The following SCHIP1 variants were observed in gnomAD, a reference collection of about 807,000 sequenced individuals.
SCHIP1 encodes the protein schwannomin-interacting protein 1.
SCHIP1 carries 8 observed loss-of-function variants against 29.7 expected under a neutral mutation model. The ratio of observed to expected loss-of-function variants is 0.27; its 90% CI spans 0.16 to 0.49. SCHIP1 has a LOEUF of 0.49. SCHIP1 is among the 20% of genes least tolerant of loss of function. The probability of loss-of-function intolerance (pLI) is 0.99; values close to 1 mark genes in which losing one functional copy is unlikely to be tolerated. For synonymous variants in SCHIP1, 76 were observed against 94.9 expected (o/e 0.80, Z 1.16); for missense variants, 193 against 294.6 (o/e 0.66, Z 2.52).
chr3:159,522,807 T>C, the SCHIP1 span, among the ~76,000 whole-genome samples: 1 of 152,210 alleles, frequency 6.6e-6, no homozygotes, highest in Admixed American at 6.5e-5. Flanking sequence ...AGGCGGAGCT[T>C]GCAGTGAGCC....
intron 1 of SCHIP1, chr3:159,853,114 C>T (rs1370886317): frequency 8.8e-6 from 3 of 341,440 alleles, no homozygotes; most frequent in South Asian, 1.0e-4. Context: ...GTGGGAAGGC[C>T]GGAGTCAGCA....
chr3:159,602,544 A>G, the SCHIP1 span, among the ~76,000 whole-genome samples: 1 of 152,072 alleles, frequency 6.6e-6, no homozygotes, highest in African/African-American at 2.4e-5. Flanking sequence ...CCCCGTCTCT[A>G]CTAAAAATAC....
At chr3:159,427,499 G>A in the SCHIP1 span, among the ~76,000 whole-genome samples, 1 of 151,972 alleles carries the variant, frequency 6.6e-6, no homozygotes, top group Non-Finnish European at 1.5e-5. Flanking sequence ...GGGATGTGAA[G>A]GACCTCTTCA....
At chr3:159,663,901 G>T in the SCHIP1 span, among the ~76,000 whole-genome samples, 3 of 152,096 alleles carry the variant, frequency 2.0e-5, no homozygotes, top group African/African-American at 7.2e-5. Flanking sequence ...AATATAGTAG[G>T]ATATAAGGTA....
At chr3:159,360,874 T>C in the SCHIP1 span, among the ~76,000 whole-genome samples, 1 of 152,346 alleles carries the variant, frequency 6.6e-6, no homozygotes, top group East Asian at 1.9e-4. Context: ...TAAGAGGCCC[T>C]TGTCTCTACT....
the SCHIP1 span, among the ~76,000 whole-genome samples, chr3:159,295,271 AAAAAAC>A: frequency 2.8e-5 from 4 of 140,872 alleles, no homozygotes; most frequent in Non-Finnish European, 4.7e-5. Flanking sequence ...AAAAAAAAAA[AAAAAAC>A]AACTAGCCAG....
chr3:159,649,869 A>T, the SCHIP1 span, among the ~76,000 whole-genome samples: 1 of 152,280 alleles, frequency 6.6e-6, no homozygotes, highest in African/African-American at 2.4e-5. Flanking sequence ...GGGGATCCAA[A>T]TATCCTGTGC....
the SCHIP1 span, among the ~76,000 whole-genome samples, chr3:159,714,003 A>G: frequency 1.2e-3 from 187 of 152,302 alleles, no homozygotes; most frequent in African/African-American, 4.4e-3. Context: ...TTGGGAGGCC[A>G]AGGTGGGTGG....
the SCHIP1 span, among the ~76,000 whole-genome samples, chr3:159,423,168 C>T: frequency 7.2e-5 from 11 of 152,202 alleles, no homozygotes; most frequent in Admixed American, 3.3e-4. Context: ...ATCTGAGGTA[C>T]CGGGTTCATC....
At chr3:159,325,188 T>C in the SCHIP1 span, among the ~76,000 whole-genome samples, 1 of 152,266 alleles carries the variant, frequency 6.6e-6, no homozygotes, top group Non-Finnish European at 1.5e-5. Context: ...CCTGTTCAAG[T>C]CACCGTAATT....
the SCHIP1 span, among the ~76,000 whole-genome samples, chr3:159,329,831 C>G: frequency 6.6e-6 from 1 of 151,660 alleles, no homozygotes; most frequent in Non-Finnish European, 1.5e-5. Flanking sequence ...TAGAACATGG[C>G]AGGTGGAAAT....
At chr3:159,413,468 A>C in the SCHIP1 span, among the ~76,000 whole-genome samples, 1 of 152,208 alleles carries the variant, frequency 6.6e-6, no homozygotes, top group African/African-American at 2.4e-5. Flanking sequence ...CTCAGAGTTG[A>C]AGATTTCTAC....
the SCHIP1 span, among the ~76,000 whole-genome samples, chr3:159,723,348 A>AT: frequency 1.2e-4 from 18 of 152,310 alleles, no homozygotes; most frequent in African/African-American, 4.3e-4. Context: ...AAATATAAGA[A>AT]TTTTTAAATG....
At chr3:159,441,385 A>G in the SCHIP1 span, among the ~76,000 whole-genome samples, 2,825 of 152,252 alleles carry the variant, frequency 0.019, 94 homozygotes, top group African/African-American at 0.065. Context: ...CACAACCATC[A>G]TATAAATTAA....
chr3:159,768,413 T>G, the SCHIP1 span: 2 of 152,196 alleles, frequency 1.3e-5, no homozygotes, highest in Admixed American at 6.5e-5. Context: ...TCACTCCACA[T>G]CCAGTGCTCT....
chr3:159,339,659 C>T, the SCHIP1 span, among the ~76,000 whole-genome samples: 1 of 152,030 alleles, frequency 6.6e-6, no homozygotes, highest in African/African-American at 2.4e-5. Flanking sequence ...GTTTTAAGTC[C>T]ATGGTATTCA....
At chr3:159,725,884 G>A in the SCHIP1 span, among the ~76,000 whole-genome samples, 18 of 152,126 alleles carry the variant, frequency 1.2e-4, no homozygotes, top group African/African-American at 4.1e-4. Flanking sequence ...TCTTTTATTA[G>A]AATAAAATTT....
the SCHIP1 span, among the ~76,000 whole-genome samples, chr3:159,754,135 C>A: frequency 6.6e-6 from 1 of 152,324 alleles, no homozygotes; most frequent in South Asian, 2.1e-4. Flanking sequence ...CACATAGTAG[C>A]TGTTCAATAA....
chr3:159,738,468 C>G, the SCHIP1 span, among the ~76,000 whole-genome samples: 1 of 152,172 alleles, frequency 6.6e-6, no homozygotes, highest in Non-Finnish European at 1.5e-5. Flanking sequence ...GTTCCTCTCT[C>G]CATGTTAATA....
Sources: allele counts gnomAD v4.1 joint callset (sites outside exome capture counted in the v4.1 genomes callset), GRCh38; gene constraint gnomAD v4.1.1; transcripts MANE v1.5; gene names NCBI Gene and HGNC (gene_info 2026-07-23, HGNC 2026-07-21).